Variants in MAP1B observed in about 807,000 individuals in gnomAD.
MAP1B encodes microtubule-associated protein 1B.
MAP1B carries 12 observed loss-of-function variants against 176.1 expected under a neutral mutation model. That is an observed-to-expected ratio of 0.07 (90% CI 0.04 to 0.11). The LOEUF is 0.11. Among genes scored for constraint, MAP1B ranks in the 10% least tolerant of loss-of-function variants. The pLI is 1.00. For missense variants in MAP1B, 2,523 were observed against 2,990.5 expected (o/e 0.84, Z 3.65); for synonymous variants, 1,044 against 1,135.0 (o/e 0.92, Z 1.61).
intron 2 of MAP1B, among the ~76,000 whole-genome samples, chr5:72,141,512 G>A (rs1482091576): frequency 6.6e-6 from 1 of 152,192 alleles, no homozygotes; most frequent in Non-Finnish European, 1.5e-5. Flanking sequence ...GCATTGCTTA[G>A]GGATCAGTAG....
In MAP1B at chr5:72,198,021, T is replaced by G; in HGVS notation, c.4666T>G (p.Ser1556Ala). 1 of 1,614,214 alleles carries G rather than the reference T, an allele frequency of 6.2e-7. No homozygotes were observed. Among genetic ancestry groups the G allele is most frequent in the Non-Finnish European group, 8.5e-7 (1 of 1,180,034 alleles). Residue 1556 changes from serine to alanine, a missense_variant, in exon 5 of 7, where the codon TCA (serine) becomes GCA (alanine). By Grantham distance (99) the Ser-to-Ala change is moderately conservative (BLOSUM62 1). Coordinates refer to ENST00000296755, the MANE Select transcript of MAP1B (RefSeq NM_005909.5). ...GGGTGTGGCCTCAGTGTCCACAGCC[T>G]CAGTGGCTACGAGCTCATTTCCAGA... ...MEGVASVSTA[S>A]VATSSFPEPT...
Position 72,199,830 on chromosome 5 carries a change from G to T in MAP1B, c.6475G>T (p.Asp2159Tyr). Residue 2159 changes from aspartate (D) to tyrosine (Y), a missense_variant, in exon 5 of 7, where the codon GAC becomes TAC. Physicochemically the swap from Asp to Tyr is radical, Grantham distance 160. Transcript: ENST00000296755. The surrounding 1 kb of genome is among the most constrained non-coding windows in gnomAD (Gnocchi z 4.2). ...SVSESAPSQT[D>Y]SDVPPETEEC... ...CAGCGAGTCAGCCCCATCCCAGACC[G>T]ACTCTGATGTTCCCCCGGAGACTGA... is the stretch of plus-strand genomic sequence containing the variant. 6.2e-7 allele frequency: 1 copy of T among 1,614,080 alleles called. No homozygotes were observed. The highest frequency in any genetic ancestry group is 8.5e-7 in the Non-Finnish European group (1 of 1,180,002).
In MAP1B at chr5:72,205,477, G is replaced by C. The variant is rs1747426730; in HGVS notation, c.*238G>C. On this transcript the variant is annotated 3_prime_UTR_variant, in exon 7 of 7. Coordinates refer to ENST00000296755, the MANE Select transcript of MAP1B (RefSeq NM_005909.5). ...AATTCCTGCAAAATTACCTACCCCA[G>C]TTCATCTCTGCTGAACATTTGGAAA... The C allele has an allele frequency of 4.5e-6, 2 of 445,098 alleles. No individual in the cohort carries two copies. Among genetic ancestry groups the C allele is most frequent in the Non-Finnish European group, 8.1e-6 (2 of 247,214 alleles). The allele number at this position is 445,098 out of a possible 1,614,324, so 27.6% of individuals were successfully genotyped here. A position where few individuals can be genotyped will look rare whatever the true frequency, so the allele number is the denominator to read the frequency against.
At position 72,208,891 on chromosome 5, in the gene MAP1B, A is replaced by C. The variant is rs1747510485; in HGVS notation, c.*3652A>C. On this transcript the variant is annotated 3_prime_UTR_variant, in exon 7 of 7. Transcript: ENST00000296755. ...AATGATATTGTGAGTTAGGATAATA[A>C]CTTTTTTTTTTTGTGCTTCAGATTT... The C allele has an allele frequency of 6.6e-6, 1 of 150,936 alleles. No individual in the cohort carries two copies. The highest frequency in any genetic ancestry group is 2.1e-4 in the South Asian group (1 of 4,808). The allele number at this position is 150,936 out of a possible 1,614,324, so 9.3% of individuals were successfully genotyped here.
At chr5:72,192,876 T>C (rs1336381239) in intron 4 of MAP1B, among the ~76,000 whole-genome samples, 1 of 152,254 alleles carries the variant, frequency 6.6e-6, no homozygotes, top group East Asian at 1.9e-4. Flanking sequence ...GTAGTGTTTT[T>C]ATTAAACCAC....
chr5:72,134,377 C>T (rs1745792116), intron 2 of MAP1B, among the ~76,000 whole-genome samples: 1 of 152,142 alleles, frequency 6.6e-6, no homozygotes, highest in African/African-American at 2.4e-5. Flanking sequence ...TCACGGCCAC[C>T]TCCCTTCTTC....
Position 72,195,035 on chromosome 5 carries a change from G to T in MAP1B, c.1680G>T (p.Glu560Asp). 6.2e-6 allele frequency: 10 copies of T among 1,614,090 alleles called. No individual in the cohort carries two copies. The highest frequency in any genetic ancestry group is 3.3e-5 in the South Asian group (3 of 91,072). Residue 560 changes from glutamate to aspartate, a missense_variant, in exon 5 of 7, where the codon GAG (glutamate) becomes GAT (aspartate). Around this residue, in one of 4 missense-constraint regions of MAP1B, gnomAD observed 1,925 missense variants for 2,126.0 expected, o/e 0.91. Coordinates refer to ENST00000296755, the MANE Select transcript of MAP1B (RefSeq NM_005909.5). ...KPLPSKSVRK[E>D]SKEETPEVTK... is the part of the protein sequence containing the mutation. Reference sequence around the variant, plus strand: ...TTCCTAGCAAATCCGTGCGCAAGGAGTCAAAAGAAGAAACCCCTGAGGTCA... The same window carrying T: ...TTCCTAGCAAATCCGTGCGCAAGGATTCAAAAGAAGAAACCCCTGAGGTCA...
chr5:72,181,825 G>A (rs531506051), intron 2 of MAP1B, among the ~76,000 whole-genome samples: 18 of 151,420 alleles, frequency 1.2e-4, no homozygotes, highest in South Asian at 2.1e-4. Flanking sequence ...GGGTTCACGC[G>A]ATTCTCCTCT....
intron 2 of MAP1B, among the ~76,000 whole-genome samples, chr5:72,155,346 C>A (rs2112171742): frequency 6.6e-6 from 1 of 152,202 alleles, no homozygotes. Flanking sequence ...AGCTATGGAC[C>A]AACTTAATAA....
intron 2 of MAP1B, among the ~76,000 whole-genome samples, chr5:72,179,251 G>A (rs947760813): frequency 5.9e-5 from 9 of 152,252 alleles, no homozygotes; most frequent in African/African-American, 1.9e-4. Flanking sequence ...ATTCCAGGTC[G>A]AGCCCCCGCT....
intron 2 of MAP1B, among the ~76,000 whole-genome samples, chr5:72,129,594 C>T (rs1272577718): frequency 2.0e-5 from 3 of 151,836 alleles, no homozygotes; most frequent in African/African-American, 7.3e-5. Flanking sequence ...GATGAAAAAA[C>T]TGACACTTCC....
Position 72,200,146 on chromosome 5 carries a change from A to C in MAP1B, c.6791A>C (p.Lys2264Thr). Reference sequence around the variant, plus strand: ...TCACCTGTCAAAAAGAGTGATGGGAAGTCTAAGCCCTTGGCAGCTTCACCA... The same window carrying C: ...TCACCTGTCAAAAAGAGTGATGGGACGTCTAAGCCCTTGGCAGCTTCACCA... ...SSSPVKKSDG[K>T]SKPLAASPKP... The change falls in exon 5 of 7, where the codon AAG becomes ACG. Residue 2264 changes from lysine to threonine, a missense_variant. Transcript: ENST00000296755. 2 of 1,614,248 alleles carry C rather than the reference A, an allele frequency of 1.2e-6. No homozygotes were observed. Among genetic ancestry groups the C allele is most frequent in the Non-Finnish European group, 1.7e-6 (2 of 1,180,036 alleles).
chr5:72,171,424 C>CA (rs930458010), intron 2 of MAP1B, among the ~76,000 whole-genome samples: 3 of 151,786 alleles, frequency 2.0e-5, no homozygotes, highest in Admixed American at 6.6e-5. Flanking sequence ...CCCATCTCTA[C>CA]AAAAAACAGA....
chr5:72,141,444 A>G (rs1181733434), intron 2 of MAP1B, among the ~76,000 whole-genome samples: 2 of 152,208 alleles, frequency 1.3e-5, no homozygotes, highest in Admixed American at 1.3e-4. Flanking sequence ...CATGCTGGGT[A>G]TTGTATAGTC....
At chr5:72,163,965 G>T (rs2112184107) in intron 2 of MAP1B, among the ~76,000 whole-genome samples, 1 of 92,834 alleles carries the variant, frequency 1.1e-5, no homozygotes, top group African/African-American at 4.4e-5. Context: ...ACAGGGTCTT[G>T]CTCTGTCACC....
intron 2 of MAP1B, among the ~76,000 whole-genome samples, chr5:72,172,406 C>T (rs976309659): frequency 1.3e-5 from 2 of 152,142 alleles, no homozygotes; most frequent in Admixed American, 1.3e-4. Flanking sequence ...TGTGTTATGT[C>T]GGCCATTTGC....
chr5:72,179,650 CAG>C, intron 2 of MAP1B: 1 of 985,494 alleles, frequency 1.0e-6, no homozygotes. Context: ...GGCCCAGCCC[CAG>C]GTTACGTCGT....
intron 2 of MAP1B, among the ~76,000 whole-genome samples, chr5:72,129,187 T>C (rs1033009582): frequency 6.6e-6 from 1 of 152,190 alleles, no homozygotes; most frequent in Non-Finnish European, 1.5e-5. Flanking sequence ...TAATTGTATG[T>C]GTGTGTGTAT....
rs1315999039 is a variant in MAP1B, at chr5:72,199,637, G to C, written c.6282G>C (p.Lys2094Asn). Reference sequence around the variant, plus strand: ...CCTCTTGTGAATACAAGCACCCCAAGACAGAGCTTTCACCCTCTTTCATTA... The same window carrying C: ...CCTCTTGTGAATACAAGCACCCCAACACAGAGCTTTCACCCTCTTTCATTA... ...LVSSCEYKHPKTELSPSFINP... is the reference protein window; with the variant it reads ...LVSSCEYKHPNTELSPSFINP... Residue 2094 changes from lysine to asparagine, a missense_variant, in exon 5 of 7, where the codon AAG (lysine) becomes AAC (asparagine). Physicochemically the swap from Lys to Asn is moderately conservative, Grantham distance 94 (BLOSUM62 0). Transcript: ENST00000296755. The surrounding 1 kb of genome is among the most constrained non-coding windows in gnomAD (Gnocchi z 4.2). 10 of 1,614,034 alleles carry C rather than the reference G, an allele frequency of 6.2e-6. No homozygotes were observed. The highest frequency in any genetic ancestry group is 8.5e-6 in the Non-Finnish European group (10 of 1,180,028).
Sources: allele counts gnomAD v4.1 joint callset (sites outside exome capture counted in the v4.1 genomes callset), GRCh38; gene constraint gnomAD v4.1.1; regional missense constraint gnomAD v4.1.1; non-coding constraint Gnocchi (gnomAD v3.1); transcripts MANE v1.5; gene names NCBI Gene and HGNC (gene_info 2026-07-23, HGNC 2026-07-21).